Variants in ORC3 observed in about 807,000 individuals in gnomAD.
ORC3 encodes homolog of latheo, Drosophila.
A neutral mutation model predicts 100.7 loss-of-function variants in ORC3; 78 were observed. The observed-to-expected ratio is 0.77, with a 90% confidence interval of 0.65 to 0.94. ORC3 has a LOEUF of 0.94. Among genes scored for constraint, ORC3 ranks in the 40% least tolerant of loss-of-function variants. The pLI is 0.00. For synonymous variants in ORC3, 295 were observed against 289.3 expected (o/e 1.02, Z -0.20); for missense variants, 789 against 823.9 (o/e 0.96, Z 0.52).
At chr6:87,676,221 C>G in the ORC3 span, among the ~76,000 whole-genome samples, 5 of 149,860 alleles carry the variant, frequency 3.3e-5, no homozygotes, top group Admixed American at 2.0e-4. Flanking sequence ...TCCAAGCACT[C>G]TGGGAGGCCG....
At chr6:87,615,443 C>T (rs1262985498) in intron 8 of ORC3, among the ~76,000 whole-genome samples, 1 of 152,212 alleles carries the variant, frequency 6.6e-6, no homozygotes. Flanking sequence ...GCCCACTAGC[C>T]ACTTACACAT....
At chr6:87,614,484 C>T (rs1779014329) in intron 8 of ORC3, among the ~76,000 whole-genome samples, 1 of 152,186 alleles carries the variant, frequency 6.6e-6, no homozygotes, top group Admixed American at 6.5e-5. Context: ...CTGCAGCTGA[C>T]TTGAATTTCT....
the ORC3 span, among the ~76,000 whole-genome samples, chr6:87,672,547 T>C: frequency 3.0e-4 from 46 of 152,302 alleles, no homozygotes; most frequent in Non-Finnish European, 5.1e-4. Context: ...GAATATTCAT[T>C]TAATACCAAT....
rs1317280578 is a variant in ORC3, at chr6:87,612,161, G to C, written c.786G>C (p.Leu262Phe). The change falls in exon 8 of 20, where the codon TTG becomes TTC. Residue 262 changes from leucine (L) to phenylalanine (F), a missense_variant. Physicochemically the swap from Leu to Phe is conservative, Grantham distance 22. Around this residue, in one of 3 missense-constraint regions of ORC3, gnomAD observed 399 missense variants for 382.0 expected, o/e 1.04. Coordinates refer to ENST00000392844, the MANE Select transcript of ORC3 (RefSeq NM_012381.4). ...IATSPIIIHRLLPHAVSSLLC... is the reference protein window; with the variant it reads ...IATSPIIIHRFLPHAVSSLLC... Reference sequence around the variant, plus strand: ...CATCTCCTATTATCATCCACCGATTGCTTCCTCATGCAGTATCATCTCTAT... The same window carrying C: ...CATCTCCTATTATCATCCACCGATTCCTTCCTCATGCAGTATCATCTCTAT... 1 of 1,613,500 alleles carries C rather than the reference G, an allele frequency of 6.2e-7. No individual in the cohort carries two copies. The highest frequency in any genetic ancestry group is 1.1e-5 in the South Asian group (1 of 91,050).
At chr6:87,666,579 C>T (rs113500478) in intron 19 of ORC3, among the ~76,000 whole-genome samples, 5 of 151,430 alleles carry the variant, frequency 3.3e-5, no homozygotes, top group Non-Finnish European at 5.9e-5. Flanking sequence ...GCTGGGATTA[C>T]AGGCGCCTGC....
downstream of ORC3, among the ~76,000 whole-genome samples, chr6:87,668,075 A>G (rs768946975): frequency 1.3e-4 from 20 of 152,352 alleles, no homozygotes; most frequent in Non-Finnish European, 2.5e-4. Flanking sequence ...AGATGAAATG[A>G]CATCTCGATC....
chr6:87,593,897 A>G (rs1028365580), intron 1 of ORC3, among the ~76,000 whole-genome samples: 6 of 152,114 alleles, frequency 3.9e-5, no homozygotes, highest in African/African-American at 9.7e-5. Flanking sequence ...GGATTTCACC[A>G]TGTTGGCCAG....
intron 8 of ORC3, among the ~76,000 whole-genome samples, chr6:87,613,217 T>C (rs967159035): frequency 2.0e-5 from 3 of 152,124 alleles, no homozygotes; most frequent in Non-Finnish European, 4.4e-5. Context: ...GAGGAGCAAG[T>C]CACATCTTAC....
intron 2 of ORC3, among the ~76,000 whole-genome samples, chr6:87,599,805 G>T (rs908422598): frequency 6.6e-6 from 1 of 152,046 alleles, no homozygotes; most frequent in Non-Finnish European, 1.5e-5. Flanking sequence ...GTGAAACCCC[G>T]TCTCTGCTAA....
At chr6:87,590,275 C>T (rs1226955936) in intron 1 of ORC3, 83 bp downstream of exon 1, 5 of 1,413,928 alleles carry the variant, frequency 3.5e-6, no homozygotes, top group South Asian at 1.1e-5. Flanking sequence ...GTTACGTAGG[C>T]ATCCCTTCCC....
chr6:87,627,993 T>C (rs1245304574), intron 11 of ORC3, among the ~76,000 whole-genome samples: 1 of 152,210 alleles, frequency 6.6e-6, no homozygotes, highest in African/African-American at 2.4e-5. Flanking sequence ...AACCTTTAAC[T>C]CCCTCAAAAT....
At chr6:87,625,643 G>A (rs1177041310) in intron 11 of ORC3, among the ~76,000 whole-genome samples, 2 of 152,100 alleles carry the variant, frequency 1.3e-5, no homozygotes, top group Non-Finnish European at 2.9e-5. Context: ...TTTGTAGGTT[G>A]CCTGTTCACT....
chr6:87,661,047 A>C (rs1770139426), intron 16 of ORC3, among the ~76,000 whole-genome samples: 1 of 152,144 alleles, frequency 6.6e-6, no homozygotes, highest in South Asian at 2.1e-4. Context: ...TCTATATATC[A>C]CATGTAAAAA....
intron 13 of ORC3, among the ~76,000 whole-genome samples, chr6:87,645,176 T>C (rs1461563073): frequency 6.6e-6 from 1 of 152,198 alleles, no homozygotes; most frequent in Non-Finnish European, 1.5e-5. Context: ...AAGATAACCC[T>C]GGTCCTTACC....
downstream of ORC3, among the ~76,000 whole-genome samples, chr6:87,672,176 T>C (rs998155941): frequency 4.6e-5 from 7 of 152,146 alleles, no homozygotes; most frequent in African/African-American, 1.2e-4. Flanking sequence ...AAAGTCAACT[T>C]TTCTGTTTGA....
intron 16 of ORC3, among the ~76,000 whole-genome samples, chr6:87,659,022 C>CG (rs146544093): frequency 0.32 from 12,391 of 39,120 alleles, 888 homozygotes; most frequent in Non-Finnish European, 0.41. Context: ...AAAAGTGGGG[C>CG]GGGGGGGGGA....
chr6:87,614,246 G>A (rs184437774), intron 8 of ORC3, among the ~76,000 whole-genome samples: 2 of 152,206 alleles, frequency 1.3e-5, no homozygotes, highest in Admixed American at 6.5e-5. Flanking sequence ...CCCGAACTTT[G>A]TGTTGGCCCT....
Position 87,597,227 on chromosome 6 carries a change from AT to A in ORC3, c.79+2821del, listed in dbSNP as rs769424035. Among the ~76,000 whole-genome samples the A allele has an allele frequency of 2.0e-5, 3 of 152,296 alleles. No individual in the cohort carries two copies. The South Asian group carries it at 6.2e-4, about 32-fold the overall frequency. ...CATAGCCTGAAACGAATTTTACATA[AT>A]ATTTTAAATAATATTGTGCATGAAA... is the stretch of plus-strand genomic sequence containing the variant. On this transcript the variant is annotated intron_variant, in intron 2 of 19. Transcript: ENST00000392844.
intron 9 of ORC3, among the ~76,000 whole-genome samples, chr6:87,617,588 G>A (rs553479753): frequency 2.4e-4 from 37 of 152,076 alleles, no homozygotes; most frequent in African/African-American, 8.7e-4. Context: ...TAAAAAATAA[G>A]CCAGGCGTGG....
Sources: allele counts gnomAD v4.1 joint callset (sites outside exome capture counted in the v4.1 genomes callset), GRCh38; gene constraint gnomAD v4.1.1; regional missense constraint gnomAD v4.1.1; transcripts MANE v1.5; gene names NCBI Gene and HGNC (gene_info 2026-07-23, HGNC 2026-07-21).